GTSE1: variants seen among roughly 807,000 people sequenced by gnomAD.
GTSE1 encodes the protein G2 and S phase-expressed protein 1.
GTSE1 carries 52 observed loss-of-function variants against 60.5 expected under a neutral mutation model. The observed-to-expected ratio is 0.86, with a 90% CI of 0.69 to 1.08. The LOEUF (loss-of-function observed/expected upper bound fraction) is 1.08. Ranked by LOEUF, GTSE1 falls within the 50% of genes least tolerant of loss-of-function variation. The pLI is 0.00. For synonymous variants in GTSE1, 368 were observed against 386.5 expected, an observed-to-expected ratio of 0.95 and a Z score of 0.56; for missense variants, 937 against 961.8, an observed-to-expected ratio of 0.97 and a Z score of 0.34.
At position 46,321,977 on chromosome 22, in the gene GTSE1, G is replaced by A. The variant is rs1195832517; in HGVS notation, c.1433-1213G>A. 2.0e-5 allele frequency among the ~76,000 whole-genome samples: 3 copies of A among 150,726 alleles called. No homozygotes were observed. The highest frequency in any genetic ancestry group is 4.4e-5 in the Non-Finnish European group (3 of 67,918). On this transcript the variant is annotated intron_variant, in intron 7 of 11. Coordinates refer to ENST00000454366, the MANE Select transcript of GTSE1 (RefSeq NM_016426.7). The surrounding 1 kb of genome is among the most constrained non-coding windows in gnomAD (Gnocchi z 4.0). ...TAATTCCAGCTACTCAGGAGGCTGA[G>A]GCAAAAGAATCACTTGAACCCAGGA...
Position 46,319,249 on chromosome 22 carries a change from G to A in GTSE1, c.1432+2837G>A, listed in dbSNP as rs1009398675. Among the ~76,000 whole-genome samples, 22 of 152,154 alleles carry A rather than the reference G, an allele frequency of 1.4e-4. No homozygotes were observed. Among genetic ancestry groups the A allele is most frequent in the African/African-American group, 5.1e-4 (21 of 41,432 alleles). On this transcript the variant is annotated intron_variant, in intron 7 of 11. Coordinates refer to ENST00000454366, the MANE Select transcript of GTSE1 (RefSeq NM_016426.7). This position sits in a 1 kb window ranked among gnomAD's most constrained non-coding sequence, Gnocchi z 5.0. ...TGGAGTACCGTCAGTGCAGGAGGACGTGCATAGGAGAGATCAGAGCAGAGC... is the reference window on the plus strand; with the variant it reads ...TGGAGTACCGTCAGTGCAGGAGGACATGCATAGGAGAGATCAGAGCAGAGC...
intron 9 of GTSE1, 58 bp from the exon 10 acceptor site, chr22:46,328,630 A>G: frequency 7.4e-7 from 1 of 1,355,430 alleles, no homozygotes; most frequent in Non-Finnish European, 1.1e-6. Context: ...TTCCCACATC[A>G]GCCAAGTGAA....
chr22:46,322,172 G>A (rs1371918550), intron 7 of GTSE1, among the ~76,000 whole-genome samples: 1 of 152,114 alleles, frequency 6.6e-6, no homozygotes, highest in Non-Finnish European at 1.5e-5. Context: ...CAGGGACGTG[G>A]GACAGGAGCT....
chr22:46,306,552 T>C (rs9627401), intron 2 of GTSE1, among the ~76,000 whole-genome samples: 24,842 of 150,476 alleles, frequency 0.17, 2,944 homozygotes, highest in African/African-American at 0.34. Flanking sequence ...GCAATCTTGG[T>C]TCATTGCAAC....
chr22:46,297,052 A>G lies in GTSE1; in HGVS notation c.-22+121A>G, dbSNP rs1164163048. On this transcript the variant is annotated intron_variant, in intron 1 of 11. Transcript: ENST00000454366. This position sits in a 1 kb window ranked among gnomAD's most constrained non-coding sequence, Gnocchi z 4.9. ...CCAGGAGCCGGGCCTGGGCTCGAGC[A>G]GGGGTCACTGAGGCCCCTCGCGCCG... 1.2e-5 allele frequency: 3 copies of G among 249,100 alleles called. No homozygotes were observed. Among genetic ancestry groups the G allele is most frequent in the African/African-American group, 2.3e-5 (1 of 42,766 alleles). 15.4% of individuals were successfully genotyped at this position (249,100 alleles called of 1,614,324 possible). A position where few individuals can be genotyped will look rare whatever the true frequency, so the allele number is the denominator to read the frequency against.
In GTSE1 at chr22:46,329,471, G is replaced by A. The variant is rs2077863814; in HGVS notation, c.2040G>A (p.Val680=). 6.2e-7 allele frequency: 1 copy of A among 1,614,144 alleles called. No individual in the cohort carries two copies. The highest frequency in any genetic ancestry group is 8.5e-7 in the Non-Finnish European group (1 of 1,180,010). Residue 680 remains valine (V), a synonymous_variant, in exon 11 of 12, where the codon GTG becomes GTA. Transcript: ENST00000454366. This position sits in a 1 kb window ranked among gnomAD's most constrained non-coding sequence, Gnocchi z 6.4. ...IDFCDTPEAH[V]AVGSESRPLI... Reference sequence around the variant, plus strand: ...TCTGCGATACCCCAGAAGCACACGTGGCTGTAGGATCTGAAAGCAGGCCTC... The same window carrying A: ...TCTGCGATACCCCAGAAGCACACGTAGCTGTAGGATCTGAAAGCAGGCCTC...
At chr22:46,323,947 C>T (rs541288444) in intron 8 of GTSE1, among the ~76,000 whole-genome samples, 18 of 152,314 alleles carry the variant, frequency 1.2e-4, no homozygotes, top group African/African-American at 4.3e-4. Context: ...CCGCCTCTGC[C>T]TCCCAAAGTG....
chr22:46,308,657 C>T lies in GTSE1; in HGVS notation c.476C>T (p.Thr159Met), dbSNP rs371896148. The T allele has an allele frequency of 6.9e-5, 112 of 1,614,000 alleles. No homozygotes were observed. Among genetic ancestry groups the T allele is most frequent in the African/African-American group, 1.2e-4 (9 of 75,068 alleles). The change falls in exon 4 of 12, where the codon ACG becomes ATG. Residue 159 changes from threonine (T) to methionine (M), a missense_variant. Transcript: ENST00000454366. ...GAAAAGGAAATGAAGAAAAGCCCCACGTCTCTTAAAAGGGAGACATACTAC... is the reference window on the plus strand; with the variant it reads ...GAAAAGGAAATGAAGAAAAGCCCCATGTCTCTTAAAAGGGAGACATACTAC... ...EKEKEMKKSPTSLKRETYYLS... is the reference protein window; with the variant it reads ...EKEKEMKKSPMSLKRETYYLS...
At chr22:46,303,857 T>C (rs2147813835) in intron 2 of GTSE1, among the ~76,000 whole-genome samples, 1 of 152,232 alleles carries the variant, frequency 6.6e-6, no homozygotes, top group South Asian at 2.1e-4. Context: ...CAGTGTGGAA[T>C]TGGTTCTTTT....
At chr22:46,326,070 C>T (rs1261098103) in intron 8 of GTSE1, among the ~76,000 whole-genome samples, 1 of 152,284 alleles carries the variant, frequency 6.6e-6, no homozygotes, top group Non-Finnish European at 1.5e-5. Flanking sequence ...ATGGCAATAT[C>T]TATGACACCA....
chr22:46,326,364 C>A, intron 8 of GTSE1, 72 bp from the exon 9 acceptor site: 2 of 1,306,614 alleles, frequency 1.5e-6, no homozygotes, highest in Non-Finnish European at 2.2e-6. Context: ...ACTGCATTAG[C>A]ACAGGCTGAA....
At position 46,307,747 on chromosome 22, in the gene GTSE1, C is replaced by T. The variant is rs372186462; in HGVS notation, c.80-403C>T. ...TGATCTCTTGACCTCATGATCTGCC[C>T]GCCTAGACCTCCCAAAGTGTTGGAG... On this transcript the variant is annotated intron_variant, in intron 2 of 11. Coordinates refer to ENST00000454366, the MANE Select transcript of GTSE1 (RefSeq NM_016426.7). Among the ~76,000 whole-genome samples, 34 of 152,094 alleles carry T rather than the reference C, an allele frequency of 2.2e-4. No individual in the cohort carries two copies. In the East Asian group the frequency reaches 2.5e-3, roughly 11 times the overall value.
chr22:46,304,014 GGTTT>G lies in GTSE1; in HGVS notation c.80-4131_80-4128del, dbSNP rs2077703409. On this transcript the variant is annotated intron_variant, in intron 2 of 11. Coordinates refer to ENST00000454366, the MANE Select transcript of GTSE1 (RefSeq NM_016426.7). This position sits in a 1 kb window ranked among gnomAD's most constrained non-coding sequence, Gnocchi z 4.4. ...TGAGAAATATACCTTTGTGGTTTTT[GGTTT>G]GTTTTGAGACAGTGTCTCTTGCTCT... Among the ~76,000 whole-genome samples the G allele has an allele frequency of 6.6e-6, 1 of 152,132 alleles. No individual in the cohort carries two copies. Among genetic ancestry groups the G allele is most frequent in the Admixed American group, 6.5e-5 (1 of 15,276 alleles).
chr22:46,312,077 C>A, intron 4 of GTSE1, 64 bp from the exon 5 acceptor site: 1 of 1,373,354 alleles, frequency 7.3e-7, no homozygotes, highest in South Asian at 1.3e-5. Flanking sequence ...TGAATGGAAG[C>A]CTGAGTATCT....
Position 46,310,655 on chromosome 22 carries a change from G to A in GTSE1, c.763-1486G>A, listed in dbSNP as rs1045573962. ...GCAATAAAAAGAAACACTACTGGGC[G>A]TGGTAGCTCACACCTGTGATCACAG... On this transcript the variant is annotated intron_variant, in intron 4 of 11. Coordinates refer to ENST00000454366, the MANE Select transcript of GTSE1 (RefSeq NM_016426.7). This position sits in a 1 kb window ranked among gnomAD's most constrained non-coding sequence, Gnocchi z 4.4. Among the ~76,000 whole-genome samples, 5 of 152,234 alleles carry A rather than the reference G, an allele frequency of 3.3e-5. No individual in the cohort carries two copies. The highest frequency in any genetic ancestry group is 9.6e-5 in the African/African-American group (4 of 41,460).
At position 46,313,786 on chromosome 22, in the gene GTSE1, C is replaced by T. The variant is rs888014718; in HGVS notation, c.928-104C>T. On this transcript the variant is annotated intron_variant, in intron 5 of 11. Transcript: ENST00000454366. This position sits in a 1 kb window ranked among gnomAD's most constrained non-coding sequence, Gnocchi z 4.4. Reference sequence around the variant, plus strand: ...CCTCCCAAAGTGCTGGGATTACAGGCGTGAGCCACCGTGCCCAGCCAAAAA... The same window carrying T: ...CCTCCCAAAGTGCTGGGATTACAGGTGTGAGCCACCGTGCCCAGCCAAAAA... 4.0e-5 allele frequency: 51 copies of T among 1,263,688 alleles called. No homozygotes were observed. The African/African-American group carries it at 4.7e-4, about 12-fold the overall frequency. 78.3% of individuals were successfully genotyped at this position (1,263,688 alleles called of 1,614,324 possible).
rs796747770 is a variant in GTSE1, at chr22:46,319,012, T to C, written c.1432+2600T>C. On this transcript the variant is annotated intron_variant, in intron 7 of 11. Coordinates refer to ENST00000454366, the MANE Select transcript of GTSE1 (RefSeq NM_016426.7). The surrounding 1 kb of genome is among the most constrained non-coding windows in gnomAD (Gnocchi z 5.0). Reference sequence around the variant, plus strand: ...TCCCTGTGACTCCGTTTGTGTCCCATTGAGTACGACGCTTCCCTGCACAGG... The same window carrying C: ...TCCCTGTGACTCCGTTTGTGTCCCACTGAGTACGACGCTTCCCTGCACAGG... Among the ~76,000 whole-genome samples the C allele has an allele frequency of 3.9e-5, 6 of 152,274 alleles. No homozygotes were observed. Among genetic ancestry groups the C allele is most frequent in the African/African-American group, 1.4e-4 (6 of 41,562 alleles).
At chr22:46,328,929 T>C (rs776369055) in intron 10 of GTSE1, 40 bp downstream of exon 10, 2 of 1,502,136 alleles carry the variant, frequency 1.3e-6, no homozygotes, top group Non-Finnish European at 1.8e-6. Context: ...TTAGCTGAGA[T>C]TCCTGGAGGC....
chr22:46,312,433 A>G (rs2077754209), intron 5 of GTSE1, 128 bp downstream of exon 5: 4 of 823,864 alleles, frequency 4.9e-6, no homozygotes, highest in Non-Finnish European at 7.6e-6. Flanking sequence ...TGAGCCCAGG[A>G]GTTCAAGACC....
Sources: gnomAD v4.1 joint callset for allele counts (sites outside exome capture counted in the v4.1 genomes callset) on GRCh38, gnomAD v4.1.1 for gene constraint, Gnocchi (gnomAD v3.1) non-coding constraint, MANE v1.5 for transcripts, NCBI Gene and HGNC (gene_info 2026-07-23, HGNC 2026-07-21) for gene names.